The following VPS13C variants were observed in gnomAD, a reference collection of about 807,000 sequenced individuals.
VPS13C encodes intermembrane lipid transfer protein VPS13C.
In VPS13C, 358 loss-of-function variants were observed where a neutral mutation model predicts 456.8. The ratio of observed to expected loss-of-function variants is 0.78; its 90% confidence interval spans 0.72 to 0.86. VPS13C has a LOEUF of 0.86. Ranked by LOEUF, VPS13C falls within the 40% of genes least tolerant of loss-of-function variation. The pLI, the probability that VPS13C is intolerant of heterozygous loss-of-function variation, is 0.00. For missense variants in VPS13C, 4,818 were observed against 4,385.4 expected (o/e 1.10, Z -2.79); for synonymous variants, 1,578 against 1,486.7 (o/e 1.06, Z -1.41).
intron 20 of VPS13C, 55 bp from the exon 21 acceptor site, chr15:61,982,628 T>C: frequency 1.5e-6 from 2 of 1,296,854 alleles, no homozygotes; most frequent in Non-Finnish European, 2.2e-6. Context: ...TTCCATATTG[T>C]AAACTTCAAA....
intron 18 of VPS13C, among the ~76,000 whole-genome samples, chr15:61,988,299 T>C (rs1448404705): frequency 6.6e-6 from 1 of 152,224 alleles, no homozygotes; most frequent in African/African-American, 2.4e-5. Flanking sequence ...TATTCAATTG[T>C]CCAAATTCAT....
Position 62,013,089 on chromosome 15 carries a change from A to C in VPS13C, c.775T>G (p.Trp259Gly). 6.2e-7 allele frequency: 1 copy of C among 1,610,966 alleles called. No individual in the cohort carries two copies. Among genetic ancestry groups the C allele is most frequent in the Non-Finnish European group, 8.5e-7 (1 of 1,178,324 alleles). The change falls in exon 11 of 85, where the codon TGG becomes GGG. Residue 259 changes from tryptophan (W) to glycine (G), a missense_variant. Physicochemically the swap from Trp to Gly is radical, Grantham distance 184 (BLOSUM62 -2). Coordinates refer to ENST00000644861, the MANE Select transcript of VPS13C (RefSeq NM_020821.3). ...TAAGACATGCTGCAATTTACATTCCAGTAGGCGCTAAGACTATCAAGTCGT... is the reference window on the plus strand; with the variant it reads ...TAAGACATGCTGCAATTTACATTCCCGTAGGCGCTAAGACTATCAAGTCGT... ...LIRLDSLSAY[W>G]NVNCSMSYQR...
At chr15:61,976,915 T>G (rs1186725707) in intron 24 of VPS13C, among the ~76,000 whole-genome samples, 167 bp downstream of exon 24, 1 of 152,064 alleles carries the variant, frequency 6.6e-6, no homozygotes, top group Non-Finnish European at 1.5e-5. Context: ...AGTGTTGATG[T>G]ATAATTCAAA....
At chr15:62,054,321 G>T (rs559863170) in intron 1 of VPS13C, among the ~76,000 whole-genome samples, 1 of 152,276 alleles carries the variant, frequency 6.6e-6, no homozygotes, top group African/African-American at 2.4e-5. Flanking sequence ...TTACAAACTA[G>T]CTGGCAGGTA....
At chr15:62,060,234 C>T in intron 1 of VPS13C, 41 bp downstream of exon 1, 1 of 1,255,592 alleles carries the variant, frequency 8.0e-7, no homozygotes, top group Non-Finnish European at 1.1e-6. Context: ...TCGGCTGGGC[C>T]CTCAGCGCCC....
At chr15:61,978,813 T>A (rs1254972296) in intron 22 of VPS13C, 64 bp from the exon 23 acceptor site, 4 of 1,491,636 alleles carry the variant, frequency 2.7e-6, no homozygotes, top group Non-Finnish European at 3.6e-6. Context: ...ATCAACATAC[T>A]TTAGTTAGGT....
intron 9 of VPS13C, among the ~76,000 whole-genome samples, chr15:62,019,763 T>C (rs1356797700): frequency 6.6e-5 from 10 of 152,064 alleles, no homozygotes; most frequent in Non-Finnish European, 1.5e-5. Context: ...ATGTATATTC[T>C]GTTGATTTGG....
At position 61,868,662 on chromosome 15, in the gene VPS13C, A is replaced by C; in HGVS notation, c.10860T>G (p.Leu3620=). 6.2e-7 allele frequency: 1 copy of C among 1,613,956 alleles called. No individual in the cohort carries two copies. The highest frequency in any genetic ancestry group is 8.5e-7 in the Non-Finnish European group (1 of 1,179,906). The change falls in exon 81 of 85, where the codon CTT becomes CTG. Residue 3620 remains leucine (L), a synonymous_variant. Transcript: ENST00000644861. ...DRQESEGSDL[L]ENHIKKLEGE... Reference sequence around the variant, plus strand: ...GACCATGAAGAACAAAATTTACCTCAAGTAAGTCAGAGCCCTCAGATTCCT... The same window carrying C: ...GACCATGAAGAACAAAATTTACCTCCAGTAAGTCAGAGCCCTCAGATTCCT...
rs2044715561 is a variant in VPS13C at position 61,949,538 on chromosome 15, G to A, written c.4664C>T (p.Ser1555Leu). 7 of 1,612,754 alleles carry A rather than the reference G, an allele frequency of 4.3e-6. No homozygotes were observed. Among genetic ancestry groups the A allele is most frequent in the African/African-American group, 1.3e-5 (1 of 74,812 alleles). The stretch of plus-strand genomic sequence containing the variant: ...AGGCTCAGAGAATGGAGCAGCAGAT[G>A]ATAAAAAATCCATGAAGGAAAGTAA... ...EALLSFMDFL[S>L]SAAPFSEPSS... The change falls in exon 42 of 85, where the codon TCA (serine) becomes TTA (leucine). Residue 1555 changes from serine (S) to leucine (L), a missense_variant. Around this residue, in one of 3 missense-constraint regions of VPS13C, gnomAD observed 4,552 missense variants for 4,130.6 expected, o/e 1.10. Coordinates refer to ENST00000644861, the MANE Select transcript of VPS13C (RefSeq NM_020821.3).
Position 62,006,779 on chromosome 15 carries a change from T to G in VPS13C, c.1290+529A>C, listed in dbSNP as rs923402802. Among the ~76,000 whole-genome samples, 3 of 152,228 alleles carry G rather than the reference T, an allele frequency of 2.0e-5. No homozygotes were observed. In the East Asian group the frequency reaches 5.8e-4, roughly 29 times the overall value. On this transcript the variant is annotated intron_variant, in intron 15 of 84. Coordinates refer to ENST00000644861, the MANE Select transcript of VPS13C (RefSeq NM_020821.3). The stretch of plus-strand genomic sequence containing the variant: ...TCTCCAGCACCTGTTGTTTCCTGAC[T>G]TTTTAATGGTCGCCATTCTAACTGG...
At position 62,060,297 on chromosome 15, in the gene VPS13C, C is replaced by G. The variant is rs371034613; in HGVS notation, c.78G>C (p.Gln26His). Residue 26 changes from glutamine (Q) to histidine (H), a missense_variant, in exon 1 of 85, where the codon CAG becomes CAC. Physicochemically the swap from Gln to His is conservative, Grantham distance 24. This residue lies in a region of VPS13C where 4,552 missense variants were observed against 4,130.6 expected (regional missense o/e 1.10). Transcript: ENST00000644861. ...TACCGCCCCAGATGCCCAGCTTCAG[C>G]TGGGACTTGTTCAGGTTCTCCACAT... is the stretch of plus-strand genomic sequence containing the variant. The part of the protein sequence containing the change: ...GDYVENLNKS[Q>H]LKLGIWGGNV... The G allele has an allele frequency of 1.2e-6, 2 of 1,606,790 alleles. No homozygotes were observed. Among genetic ancestry groups the G allele is most frequent in the Admixed American group, 1.7e-5 (1 of 59,424 alleles).
At chr15:62,041,229 C>T (rs2048231425) in intron 3 of VPS13C, 95 bp downstream of exon 3, 2 of 1,334,726 alleles carry the variant, frequency 1.5e-6, no homozygotes, top group East Asian at 2.4e-5. Flanking sequence ...AAATCTCTCA[C>T]ACTTTTAATC....
chr15:61,860,953 CTTTTT>C (rs781045840), intron 82 of VPS13C, among the ~76,000 whole-genome samples: 4 of 89,696 alleles, frequency 4.5e-5, no homozygotes, highest in African/African-American at 8.5e-5. Flanking sequence ...TATTTTCTTT[CTTTTT>C]TTTTTTTTTT....
chr15:61,891,891 G>C (rs1049333002), intron 66 of VPS13C, among the ~76,000 whole-genome samples: 1 of 152,164 alleles, frequency 6.6e-6, no homozygotes, highest in African/African-American at 2.4e-5. Context: ...TTGAACCTGA[G>C]GCTGACACAA....
chr15:61,864,299 G>C (rs1894390736), intron 81 of VPS13C: 2 of 836,920 alleles, frequency 2.4e-6, no homozygotes, highest in African/African-American at 3.7e-5. Context: ...AATAATTCAA[G>C]TATAAGTAGT....
At chr15:61,978,947 A>G (rs2045791669) in intron 22 of VPS13C, among the ~76,000 whole-genome samples, 198 bp from the exon 23 acceptor site, 1 of 152,202 alleles carries the variant, frequency 6.6e-6, no homozygotes, top group Non-Finnish European at 1.5e-5. Flanking sequence ...CATCTCTACT[A>G]AAGTTGAGAA....
chr15:61,862,891 A>G (rs891071200), intron 82 of VPS13C, among the ~76,000 whole-genome samples: 1 of 152,150 alleles, frequency 6.6e-6, no homozygotes, highest in Non-Finnish European at 1.5e-5. Context: ...TTATTAATAT[A>G]TAATTGTCAT....
chr15:61,956,677 G>A (rs1304396143), intron 37 of VPS13C, among the ~76,000 whole-genome samples: 1 of 152,022 alleles, frequency 6.6e-6, no homozygotes, highest in Non-Finnish European at 1.5e-5. Flanking sequence ...ATATCCAAAT[G>A]GCCAATAACC....
intron 61 of VPS13C, among the ~76,000 whole-genome samples, chr15:61,914,736 T>C (rs2043408391): frequency 6.6e-6 from 1 of 151,366 alleles, no homozygotes; most frequent in Non-Finnish European, 1.5e-5. Flanking sequence ...AATTTTTGTA[T>C]TTTTAGTAGA....
Sources: allele counts gnomAD v4.1 joint callset (sites outside exome capture counted in the v4.1 genomes callset), GRCh38; gene constraint gnomAD v4.1.1; regional missense constraint gnomAD v4.1.1; transcripts MANE v1.5; gene names NCBI Gene and HGNC (gene_info 2026-07-23, HGNC 2026-07-21).